CHCHD6: variants seen among roughly 807,000 people sequenced by gnomAD.
CHCHD6 encodes the protein coiled-coil-helix-coiled-coil-helix domain containing 6.
In CHCHD6, 28 loss-of-function variants were observed where a neutral mutation model predicts 32.3. The observed-to-expected ratio is 0.87, with a 90% CI of 0.64 to 1.19. The LOEUF (loss-of-function observed/expected upper bound fraction) is 1.19. CHCHD6 is among the 50% of genes most tolerant of loss of function. CHCHD6 has a pLI of 0.00. For synonymous variants in CHCHD6, 122 were observed against 117.5 expected (o/e 1.04, Z -0.25); for missense variants, 333 against 307.0 (o/e 1.08, Z -0.63).
intron 4 of CHCHD6, among the ~76,000 whole-genome samples, chr3:126,832,309 T>C (rs1477638711): frequency 1.3e-5 from 2 of 152,194 alleles, no homozygotes; most frequent in Admixed American, 6.5e-5. Flanking sequence ...TCTCTTCCTC[T>C]CTCCAGAACC....
At position 126,844,649 on chromosome 3, in the gene CHCHD6, T is replaced by C. The variant is rs560361467; in HGVS notation, c.412-7998T>C. Among the ~76,000 whole-genome samples the C allele has an allele frequency of 3.5e-3, 532 of 152,324 alleles. 2 individuals are homozygous for C. The highest frequency in any genetic ancestry group is 6.8e-3 in the Middle Eastern group (2 of 294). On this transcript the variant is annotated intron_variant, in intron 4 of 7. Transcript: ENST00000290913. ...ACGAAGTTAGGACTTTGCCTTCTCATTGGGGAGTGTGATAGGAAGAATAAT... is the reference window on the plus strand; with the variant it reads ...ACGAAGTTAGGACTTTGCCTTCTCACTGGGGAGTGTGATAGGAAGAATAAT...
At chr3:126,787,665 A>C (rs949613126) in intron 4 of CHCHD6, among the ~76,000 whole-genome samples, 7 of 152,174 alleles carry the variant, frequency 4.6e-5, no homozygotes, top group Non-Finnish European at 5.9e-5. Context: ...TGATTTTTGC[A>C]CATTGATTTT....
chr3:126,840,566 T>C (rs141164201), intron 4 of CHCHD6, among the ~76,000 whole-genome samples: 2 of 152,302 alleles, frequency 1.3e-5, no homozygotes, highest in African/African-American at 4.8e-5. Context: ...GTGTGGAGAT[T>C]AGCCCATATC....
At position 126,867,741 on chromosome 3, in the gene CHCHD6, T is replaced by A. The variant is rs548392363; in HGVS notation, c.495+15011T>A. ...AAACAGATGCTTGTGCCACCCCCAA[T>A]CCACTGGTGACCAAGTCCTGCCCAC... On this transcript the variant is annotated intron_variant, in intron 5 of 7. Coordinates refer to ENST00000290913, the MANE Select transcript of CHCHD6 (RefSeq NM_032343.3). 4.7e-5 allele frequency among the ~76,000 whole-genome samples: 7 copies of A among 150,260 alleles called. No homozygotes were observed. In the South Asian group the frequency reaches 1.5e-3, roughly 31 times the overall value.
chr3:126,712,523 A>G (rs528345712), intron 1 of CHCHD6, among the ~76,000 whole-genome samples: 1 of 152,310 alleles, frequency 6.6e-6, no homozygotes, highest in African/African-American at 2.4e-5. Context: ...GCCAGTTCCC[A>G]CATTTGGAAA....
intron 4 of CHCHD6, among the ~76,000 whole-genome samples, chr3:126,752,976 G>A (rs958272447): frequency 1.3e-5 from 2 of 152,158 alleles, no homozygotes; most frequent in Non-Finnish European, 2.9e-5. Flanking sequence ...AGGTACCCGA[G>A]GTTAAGGCCA....
intron 4 of CHCHD6, among the ~76,000 whole-genome samples, chr3:126,753,730 G>A (rs780554020): frequency 6.6e-6 from 1 of 152,242 alleles, no homozygotes; most frequent in Non-Finnish European, 1.5e-5. Flanking sequence ...GGTGAAGAGA[G>A]GGCCCACGGG....
intron 5 of CHCHD6, among the ~76,000 whole-genome samples, chr3:126,890,762 T>G (rs972821468): frequency 6.6e-6 from 1 of 152,218 alleles, no homozygotes; most frequent in Non-Finnish European, 1.5e-5. Flanking sequence ...CTTCAGTGCC[T>G]TGATTTTTCC....
chr3:126,866,852 G>A (rs1324312574), intron 5 of CHCHD6, among the ~76,000 whole-genome samples: 3 of 152,116 alleles, frequency 2.0e-5, no homozygotes, highest in Non-Finnish European at 1.5e-5. Context: ...AAAACCGTGG[G>A]CATTTTCTTA....
At chr3:126,791,570 A>G (rs1938544945) in intron 4 of CHCHD6, among the ~76,000 whole-genome samples, 1 of 152,140 alleles carries the variant, frequency 6.6e-6, no homozygotes, top group Admixed American at 6.5e-5. Context: ...TTGGATCTCA[A>G]ACTGCTGTGC....
At chr3:126,919,310 CTTTTTTCTTTT>C (rs2078212285) in intron 6 of CHCHD6, among the ~76,000 whole-genome samples, 1 of 29,226 alleles carries the variant, frequency 3.4e-5, no homozygotes, top group Non-Finnish European at 1.3e-4. Context: ...TATTTCTTTT[CTTTTTTCTTTT>C]TTTTTTTTTT....
intron 4 of CHCHD6, among the ~76,000 whole-genome samples, chr3:126,746,663 C>T (rs1448373542): frequency 6.6e-6 from 1 of 152,188 alleles, no homozygotes; most frequent in African/African-American, 2.4e-5. Flanking sequence ...AATAGAAATA[C>T]ACCGCCATGT....
intron 5 of CHCHD6, among the ~76,000 whole-genome samples, chr3:126,909,935 G>A (rs929360222): frequency 6.6e-6 from 1 of 152,272 alleles, no homozygotes; most frequent in Non-Finnish European, 1.5e-5. Flanking sequence ...GGCCTAGCCG[G>A]GGAGAGCTGG....
intron 4 of CHCHD6, among the ~76,000 whole-genome samples, chr3:126,782,174 A>G (rs1937976756): frequency 6.6e-6 from 1 of 152,216 alleles, no homozygotes; most frequent in Non-Finnish European, 1.5e-5. Context: ...TCTAAATTGT[A>G]ATTATGTCAC....
At chr3:126,858,827 A>G (rs952453207) in intron 5 of CHCHD6, among the ~76,000 whole-genome samples, 1 of 152,070 alleles carries the variant, frequency 6.6e-6, no homozygotes, top group Non-Finnish European at 1.5e-5. Flanking sequence ...AGTTGCTAAA[A>G]CCCTGTGTCA....
intron 5 of CHCHD6, among the ~76,000 whole-genome samples, chr3:126,864,514 T>TTCCACCTCCACCACCTCCTCC (rs1942160166): frequency 2.3e-5 from 2 of 86,346 alleles, no homozygotes; most frequent in Admixed American, 2.2e-4. Context: ...TCACCTCCTC[T>TTCCACCTCCACCACCTCCTCC]TCCACCTCCA....
At chr3:126,862,586 T>TCAC (rs1941968511) in intron 5 of CHCHD6, among the ~76,000 whole-genome samples, 4 of 30,532 alleles carry the variant, frequency 1.3e-4, no homozygotes, top group Admixed American at 3.8e-4. Context: ...TCCTCCACCA[T>TCAC]CACCTCTTCC....
intron 5 of CHCHD6, among the ~76,000 whole-genome samples, chr3:126,878,092 T>C (rs76005946): frequency 6.6e-6 from 1 of 152,328 alleles, no homozygotes; most frequent in African/African-American, 2.4e-5. Context: ...GAGTTCTCAC[T>C]GTAGGGGACA....
intron 5 of CHCHD6, among the ~76,000 whole-genome samples, chr3:126,859,099 C>T (rs879618737): frequency 3.3e-5 from 5 of 152,186 alleles, no homozygotes; most frequent in African/African-American, 7.2e-5. Flanking sequence ...GGATGCAGTG[C>T]CTGGCATAGA....
Sources: allele counts gnomAD v4.1 joint callset (sites outside exome capture counted in the v4.1 genomes callset), GRCh38; gene constraint gnomAD v4.1.1; transcripts MANE v1.5; gene names NCBI Gene and HGNC (gene_info 2026-07-23, HGNC 2026-07-21).